The following MYO3B variants were observed in gnomAD, a reference collection of about 807,000 sequenced individuals.
MYO3B encodes the protein myosin IIIB, also known as myosin-IIIb.
Under a neutral mutation model 174.6 loss-of-function variants are expected in MYO3B, and 156 were observed. The observed-to-expected ratio is 0.89, with a 90% CI of 0.78 to 1.02. The LOEUF (loss-of-function observed/expected upper bound fraction) is 1.02, where lower values mean the gene tolerates loss of function less well. MYO3B is among the 50% of genes least tolerant of loss of function. The pLI is 0.00. For missense variants in MYO3B, 1,632 were observed against 1,639.4 expected (o/e 1.00, Z 0.08); for synonymous variants, 563 against 569.1 (o/e 0.99, Z 0.15).
At chr2:170,628,807 G>A (rs1034306558) in intron 32 of MYO3B, among the ~76,000 whole-genome samples, 6 of 152,124 alleles carry the variant, frequency 3.9e-5, no homozygotes, top group Non-Finnish European at 7.3e-5. Context: ...CTTTAGTATA[G>A]GATTGGATAG....
At chr2:170,630,416 C>A (rs916549513) in intron 32 of MYO3B, among the ~76,000 whole-genome samples, 17 of 152,120 alleles carry the variant, frequency 1.1e-4, no homozygotes, top group African/African-American at 4.1e-4. Flanking sequence ...CTGAGTGGGG[C>A]CCACCGCAGC....
At chr2:170,473,146 T>C (rs1233335319) in intron 25 of MYO3B, among the ~76,000 whole-genome samples, 14 of 110,902 alleles carry the variant, frequency 1.3e-4, no homozygotes, top group East Asian at 4.7e-4. Flanking sequence ...TTTCTTTTTT[T>C]TTTTTTTTTT....
intron 32 of MYO3B, among the ~76,000 whole-genome samples, chr2:170,583,022 G>A (rs999363500): frequency 6.6e-6 from 1 of 151,804 alleles, no homozygotes; most frequent in Non-Finnish European, 1.5e-5. Context: ...CCCCTGCCCT[G>A]GAGTGCTGCC....
intron 28 of MYO3B, among the ~76,000 whole-genome samples, chr2:170,503,290 T>A (rs1050211215): frequency 3.3e-5 from 5 of 152,254 alleles, no homozygotes; most frequent in African/African-American, 1.2e-4. Flanking sequence ...TGCACTCTGT[T>A]AATGCCAAGT....
intron 8 of MYO3B, among the ~76,000 whole-genome samples, chr2:170,336,344 C>T (rs1288308873): frequency 6.6e-6 from 1 of 151,826 alleles, no homozygotes; most frequent in Non-Finnish European, 1.5e-5. Flanking sequence ...GGGGAAGGGT[C>T]AACACAAATT....
intron 32 of MYO3B, among the ~76,000 whole-genome samples, chr2:170,627,808 A>G (rs1033016485): frequency 5.3e-5 from 8 of 152,176 alleles, no homozygotes; most frequent in African/African-American, 1.9e-4. Context: ...AGTTTGTTGG[A>G]GGTCCACTCC....
At chr2:170,468,807 A>G (rs1684795779) in intron 25 of MYO3B, among the ~76,000 whole-genome samples, 2 of 152,210 alleles carry the variant, frequency 1.3e-5, no homozygotes, top group African/African-American at 2.4e-5. Context: ...CAGAATGTCT[A>G]CAGAGGGCAA....
intron 18 of MYO3B, among the ~76,000 whole-genome samples, chr2:170,402,505 T>C (rs989655956): frequency 6.6e-6 from 1 of 152,190 alleles, no homozygotes; most frequent in Non-Finnish European, 1.5e-5. Context: ...CTCTTCCAGT[T>C]ATCCTTGTGG....
Position 170,197,023 on chromosome 2 carries a change from T to A in MYO3B, c.3-2185T>A, listed in dbSNP as rs1270396367. ...CTTTTGAGATATCTTTTCAGGTTTTTTTTTTTTTTTAAACATGTCTGACAC... is the reference window on the plus strand; with the variant it reads ...CTTTTGAGATATCTTTTCAGGTTTTATTTTTTTTTTAAACATGTCTGACAC... On this transcript the variant is annotated intron_variant, in intron 1 of 34. Transcript: ENST00000408978. Among the ~76,000 whole-genome samples, 4 of 152,028 alleles carry A rather than the reference T, an allele frequency of 2.6e-5. No homozygotes were observed. In the South Asian group the frequency reaches 8.3e-4, roughly 32 times the overall value.
At chr2:170,426,940 A>G (rs2094667679) in intron 22 of MYO3B, among the ~76,000 whole-genome samples, 1 of 151,932 alleles carries the variant, frequency 6.6e-6, no homozygotes, top group Non-Finnish European at 1.5e-5. Flanking sequence ...AATTGCTTGA[A>G]CTGGGAGGCG....
intron 32 of MYO3B, among the ~76,000 whole-genome samples, chr2:170,619,279 C>T (rs1032663154): frequency 9.9e-5 from 15 of 152,170 alleles, no homozygotes; most frequent in Non-Finnish European, 2.2e-4. Flanking sequence ...CCTGACTGCA[C>T]GTCCATTCAT....
chr2:170,432,702 A>G (rs1195982577), intron 22 of MYO3B, among the ~76,000 whole-genome samples: 3 of 151,642 alleles, frequency 2.0e-5, no homozygotes, highest in Admixed American at 6.6e-5. Flanking sequence ...TCAGCCTCCC[A>G]AGTAGTTGGG....
At chr2:170,439,212 A>C (rs80132454) in intron 22 of MYO3B, among the ~76,000 whole-genome samples, 5,117 of 151,636 alleles carry the variant, frequency 0.034, 201 homozygotes, top group East Asian at 0.21. Context: ...CTCTACTAAA[A>C]ATACAAAAAA....
intron 29 of MYO3B, 144 bp from the exon 30 acceptor site, chr2:170,519,294 C>G (rs1041159200): frequency 3.3e-5 from 19 of 582,600 alleles, no homozygotes; most frequent in Middle Eastern, 4.1e-4. Flanking sequence ...ATTTTAATGA[C>G]ATATCCTAGA....
chr2:170,257,895 A>C (rs2093317344), intron 7 of MYO3B, among the ~76,000 whole-genome samples: 1 of 152,070 alleles, frequency 6.6e-6, no homozygotes, highest in Admixed American at 6.6e-5. Flanking sequence ...CATTACAACC[A>C]ATCCCACAGA....
chr2:170,257,930 A>G (rs2093317538), intron 7 of MYO3B, among the ~76,000 whole-genome samples: 1 of 152,166 alleles, frequency 6.6e-6, no homozygotes, highest in Non-Finnish European at 1.5e-5. Context: ...TCAGAAACTT[A>G]TGAACACCTT....
At chr2:170,499,205 G>A (rs959957243) in intron 26 of MYO3B, among the ~76,000 whole-genome samples, 3 of 152,194 alleles carry the variant, frequency 2.0e-5, no homozygotes, top group African/African-American at 7.2e-5. Context: ...CTGCCTGAGT[G>A]ACGATGGCAA....
intron 3 of MYO3B, among the ~76,000 whole-genome samples, chr2:170,212,382 C>T (rs972461189): frequency 2.0e-5 from 3 of 152,040 alleles, no homozygotes; most frequent in Non-Finnish European, 4.4e-5. Flanking sequence ...CCAGGAATGA[C>T]ATTTTAATAT....
chr2:170,488,640 G>A (rs1018183027), intron 25 of MYO3B, among the ~76,000 whole-genome samples: 1 of 152,210 alleles, frequency 6.6e-6, no homozygotes, highest in Non-Finnish European at 1.5e-5. Context: ...ATAAAAGAAT[G>A]TTGGGATGAA....
Sources: gnomAD v4.1 joint callset for allele counts (sites outside exome capture counted in the v4.1 genomes callset) on GRCh38, gnomAD v4.1.1 for gene constraint, MANE v1.5 for transcripts, NCBI Gene and HGNC (gene_info 2026-07-23, HGNC 2026-07-21) for gene names.